Variants in RPL7L1 observed in about 807,000 individuals in gnomAD.
RPL7L1 encodes the protein ribosomal protein L7 like 1, also known as ribosomal protein uL30-like.
RPL7L1 carries 20 observed loss-of-function variants against 30.3 expected under a neutral mutation model. That is an observed-to-expected ratio of 0.66 (90% CI 0.46 to 0.96). RPL7L1 has a LOEUF of 0.96. Among genes scored for constraint, RPL7L1 ranks in the 40% least tolerant of loss-of-function variants. RPL7L1 has a pLI of 0.00. For synonymous variants in RPL7L1, 107 were observed against 110.1 expected (o/e 0.97, Z 0.18); for missense variants, 271 against 314.9 (o/e 0.86, Z 1.05).
chr6:42,886,724 G>A lies in RPL7L1; in HGVS notation c.*260G>A, dbSNP rs1383862458. ...AAAAACTGTATTGCTGGCCGGGCGC[G>A]GTGGCTCACGCCTGTAATCCCAGCA... On this transcript the variant is annotated 3_prime_UTR_variant, in exon 6 of 6. Transcript: ENST00000493763. 3.4e-5 allele frequency: 12 copies of A among 358,016 alleles called. No homozygotes were observed. Among genetic ancestry groups the A allele is most frequent in the African/African-American group, 1.3e-4 (6 of 47,576 alleles). The allele number at this position is 358,016 out of a possible 1,614,324, so 22.2% of individuals were successfully genotyped here. A position where few individuals can be genotyped will look rare whatever the true frequency, so the allele number is the denominator to read the frequency against.
In RPL7L1 at chr6:42,889,699, A is replaced by G; in HGVS notation, c.*3235A>G. 1 of 152,312 alleles carries G rather than the reference A, an allele frequency of 6.6e-6. No individual in the cohort carries two copies. The highest frequency in any genetic ancestry group is 1.5e-5 in the Non-Finnish European group (1 of 68,046). The allele number at this position is 152,312 out of a possible 1,614,324, so 9.4% of individuals were successfully genotyped here. A position where few individuals can be genotyped will look rare whatever the true frequency, so the allele number is the denominator to read the frequency against. On this transcript the variant is annotated 3_prime_UTR_variant, in exon 6 of 6. Transcript: ENST00000493763. ...CCACTCTGTCCATAAAATGGGAGCT[A>G]ATATTCTCCAACCTGTGTGCCTGAC...
At chr6:42,883,860 A>G (rs987082844) in intron 3 of RPL7L1, 22 of 241,848 alleles carry the variant, frequency 9.1e-5, no homozygotes, top group Admixed American at 8.4e-4. Flanking sequence ...TAAAGCAGGA[A>G]CTTCAACCTG....
At chr6:42,885,534 T>G (rs1766233733) in intron 4 of RPL7L1, 2 of 159,072 alleles carry the variant, frequency 1.3e-5, no homozygotes, top group African/African-American at 4.9e-5. Context: ...ATCGTGCCAC[T>G]GCACTCCAGC....
chr6:42,884,575 G>A, intron 3 of RPL7L1, 38 bp from the exon 4 acceptor site: 1 of 1,601,170 alleles, frequency 6.2e-7, no homozygotes, highest in Non-Finnish European at 8.5e-7. Flanking sequence ...ACATAAACTG[G>A]AGGGAGTCTG....
rs1357691213 is a variant in RPL7L1 at position 42,887,675 on chromosome 6, G to T, written c.*1211G>T. On this transcript the variant is annotated 3_prime_UTR_variant, in exon 6 of 6. Coordinates refer to ENST00000493763, the MANE Select transcript of RPL7L1 (RefSeq NM_001366481.3). ...AAAATTCCAGTGTTTTCTGCATTGG[G>T]TGCTGTGTCATCTGAAATCGGCACA... 6.6e-6 allele frequency: 1 copy of T among 152,170 alleles called. No homozygotes were observed. Among genetic ancestry groups the T allele is most frequent in the Non-Finnish European group, 1.5e-5 (1 of 68,046 alleles). The allele number at this position is 152,170 out of a possible 1,614,324, so 9.4% of individuals were successfully genotyped here.
Position 42,879,824 on chromosome 6 carries a change from C to A in RPL7L1, c.-87C>A. On this transcript the variant is annotated 5_prime_UTR_variant, in exon 1 of 6. In the 5' UTR this introduces an upstream ATG that the reference lacks. Transcript: ENST00000493763. The stretch of plus-strand genomic sequence containing the variant: ...CTCACTGCGGCTAAGTGAACGCTGA[C>A]TGGTCCTCCAGCGTGAGCTAGAACA... 7.1e-7 allele frequency: 1 copy of A among 1,414,692 alleles called. No homozygotes were observed. Among genetic ancestry groups the A allele is most frequent in the Non-Finnish European group, 1.0e-6 (1 of 1,001,476 alleles). 87.6% of individuals were successfully genotyped at this position (1,414,692 alleles called of 1,614,324 possible). A position where few individuals can be genotyped will look rare whatever the true frequency, so the allele number is the denominator to read the frequency against.
At chr6:42,879,978 G>T (rs766961661) in intron 1 of RPL7L1, 27 bp downstream of exon 1, 1 of 1,612,102 alleles carries the variant, frequency 6.2e-7, no homozygotes, top group Non-Finnish European at 8.5e-7. Flanking sequence ...TTGAATATCT[G>T]GAGTGGGGTC....
At position 42,884,765 on chromosome 6, in the gene RPL7L1, C is replaced by G. The variant is rs770121978; in HGVS notation, c.449+15C>G. On this transcript the variant is annotated intron_variant, in intron 4 of 5. Coordinates refer to ENST00000493763, the MANE Select transcript of RPL7L1 (RefSeq NM_001366481.3). ...GTGACCTGGGGGTAAGTAAGGTTTT[C>G]CATGTGAATTCACATTAGATTTCTA... 1 of 1,607,932 alleles carries G rather than the reference C, an allele frequency of 6.2e-7. No homozygotes were observed. Among genetic ancestry groups the G allele is most frequent in the Non-Finnish European group, 8.5e-7 (1 of 1,175,754 alleles).
At chr6:42,884,772 A>T (rs1261113691) in intron 4 of RPL7L1, 22 bp downstream of exon 4, 1 of 1,605,740 alleles carries the variant, frequency 6.2e-7, no homozygotes, top group Non-Finnish European at 8.5e-7. Context: ...TTTCCATGTG[A>T]ATTCACATTA....
chr6:42,879,650 G>T lies in RPL7L1; in HGVS notation c.-261G>T, dbSNP rs1200232967. The T allele has an allele frequency of 5.1e-6, 2 of 393,706 alleles. No homozygotes were observed. Among genetic ancestry groups the T allele is most frequent in the African/African-American group, 4.0e-5 (2 of 49,574 alleles). 24.4% of individuals were successfully genotyped at this position (393,706 alleles called of 1,614,324 possible). A position where few individuals can be genotyped will look rare whatever the true frequency, so the allele number is the denominator to read the frequency against. On this transcript the variant is annotated 5_prime_UTR_variant, in exon 1 of 6. Coordinates refer to ENST00000493763, the MANE Select transcript of RPL7L1 (RefSeq NM_001366481.3). Reference sequence around the variant, plus strand: ...AGCGGACGCCATAGGTGCATTGTGGGAAGCACTTTGCTGTCCACAGCCAGG... The same window carrying T: ...AGCGGACGCCATAGGTGCATTGTGGTAAGCACTTTGCTGTCCACAGCCAGG...
At chr6:42,880,162 C>T (rs1490453161) in intron 1 of RPL7L1, among the ~76,000 whole-genome samples, 2 of 152,128 alleles carry the variant, frequency 1.3e-5, no homozygotes, top group South Asian at 2.1e-4. Flanking sequence ...CGAGGATTGA[C>T]TTCAGGCAGC....
chr6:42,883,521 G>A lies in RPL7L1; in HGVS notation c.218G>A (p.Arg73His), dbSNP rs1375775806. 2.5e-5 allele frequency: 40 copies of A among 1,609,550 alleles called. No individual in the cohort carries two copies. Among genetic ancestry groups the A allele is most frequent in the Non-Finnish European group, 3.0e-5 (35 of 1,177,928 alleles). ...CTACATGATTCCTGGCGGCAGAAAC[G>A]TGACAAGGTGCGTCTCAGACGACTA... is the stretch of plus-strand genomic sequence containing the variant. ...SFLHDSWRQK[R>H]DKVRLRRLEV... Residue 73 changes from arginine to histidine, a missense_variant, in exon 3 of 6, where the codon CGT (arginine) becomes CAT (histidine). Coordinates refer to ENST00000493763, the MANE Select transcript of RPL7L1 (RefSeq NM_001366481.3).
chr6:42,884,147 C>T (rs978504232), intron 3 of RPL7L1, among the ~76,000 whole-genome samples: 1 of 152,172 alleles, frequency 6.6e-6, no homozygotes, highest in South Asian at 2.1e-4. Context: ...GAGCTCTGTC[C>T]TTTGTAGCCC....
At chr6:42,884,834 A>T (rs1766205227) in intron 4 of RPL7L1, 84 bp downstream of exon 4, 1 of 1,360,362 alleles carries the variant, frequency 7.4e-7, no homozygotes, top group African/African-American at 1.4e-5. Flanking sequence ...TCCAGGGCTC[A>T]TGTTGCTGTA....
chr6:42,881,474 AT>A (rs1766078795), intron 2 of RPL7L1: 2 of 152,124 alleles, frequency 1.3e-5, no homozygotes, highest in African/African-American at 4.8e-5. Context: ...CAAAAAATAA[AT>A]AAATAAATAA....
intron 5 of RPL7L1, 61 bp downstream of exon 5, chr6:42,886,144 G>T: frequency 7.3e-7 from 1 of 1,378,068 alleles, no homozygotes; most frequent in Non-Finnish European, 1.0e-6. Context: ...AAGCTTTGAT[G>T]TGAGATTCAG....
Position 42,883,609 on chromosome 6 carries a change from C to T in RPL7L1, c.306C>T (p.Ile102=), listed in dbSNP as rs756924186. Reference sequence around the variant, plus strand: ...ATTCCTTGGCCTTTGTTGTACGCATCGAAAGGTAAGGAACTGGTGTCTTTC... The same window carrying T: ...ATTCCTTGGCCTTTGTTGTACGCATTGAAAGGTAAGGAACTGGTGTCTTTC... ...DKHSLAFVVR[I]ERIDGVSLLV... is the part of the protein sequence containing the mutation. Residue 102 remains isoleucine (I), a synonymous_variant, in exon 3 of 6, where the codon ATC becomes ATT. Transcript: ENST00000493763. 19 of 1,589,504 alleles carry T rather than the reference C, an allele frequency of 1.2e-5. No individual in the cohort carries two copies. The highest frequency in any genetic ancestry group is 2.3e-5 in the South Asian group (2 of 86,516).
chr6:42,884,753 A>G lies in RPL7L1; in HGVS notation c.449+3A>G, dbSNP rs757581520. 1.9e-6 allele frequency: 3 copies of G among 1,610,796 alleles called. No individual in the cohort carries two copies. In the East Asian group the frequency reaches 6.7e-5, roughly 36 times the overall value. On this transcript the variant is annotated splice_donor_region_variant and intron_variant, in intron 4 of 5. Transcript: ENST00000493763. ...GTGGAACCTTATGTGACCTGGGGGT[A>G]AGTAAGGTTTTCCATGTGAATTCAC...
Position 42,884,664 on chromosome 6 carries a change from A to T in RPL7L1, c.363A>T (p.Leu121=), listed in dbSNP as rs776860937. Residue 121 remains leucine, a synonymous_variant, in exon 4 of 6, where the codon CTA becomes CTT. Transcript: ENST00000493763. ...LVQRTIARLR[L]KKIFSGVFVK... Reference sequence around the variant, plus strand: ...AGAGAACCATTGCAAGACTTCGCCTAAAGAAAATTTTTAGTGGTGTCTTTG... The same window carrying T: ...AGAGAACCATTGCAAGACTTCGCCTTAAGAAAATTTTTAGTGGTGTCTTTG... 1 of 1,613,956 alleles carries T rather than the reference A, an allele frequency of 6.2e-7. No individual in the cohort carries two copies. Among genetic ancestry groups the T allele is most frequent in the Admixed American group, 1.7e-5 (1 of 60,010 alleles).
Sources: allele counts gnomAD v4.1 joint callset (sites outside exome capture counted in the v4.1 genomes callset), GRCh38; gene constraint gnomAD v4.1.1; transcripts MANE v1.5; gene names NCBI Gene and HGNC (gene_info 2026-07-23, HGNC 2026-07-21).